MOBP: variants seen among roughly 807,000 people sequenced by gnomAD.
MOBP encodes the protein myelin-associated oligodendrocyte basic protein.
Under a neutral mutation model 15.0 loss-of-function variants are expected in MOBP, and 5 were observed. The observed-to-expected ratio is 0.33, with a 90% CI of 0.17 to 0.70. The LOEUF (loss-of-function observed/expected upper bound fraction) is 0.70. Among genes scored for constraint, MOBP ranks in the 30% least tolerant of loss-of-function variants. The pLI is 0.67. For missense variants in MOBP, 188 were observed against 257.8 expected, an observed-to-expected ratio of 0.73 and a Z score of 1.85; for synonymous variants, 88 against 99.0, an observed-to-expected ratio of 0.89 and a Z score of 0.66.
downstream of MOBP, chr3:39,529,385 A>T (rs1178820907): frequency 3.9e-5 from 6 of 152,230 alleles, no homozygotes; most frequent in Admixed American, 3.9e-4. Flanking sequence ...GCACTAAAAC[A>T]ACCAAATATG....
chr3:39,487,475 T>G (rs993256613), intron 2 of MOBP, among the ~76,000 whole-genome samples: 1 of 151,818 alleles, frequency 6.6e-6, no homozygotes, highest in African/African-American at 2.4e-5. Context: ...TGTTTGGATA[T>G]CTGGGTATGA....
At chr3:39,489,596 G>T (rs1362875279) in intron 2 of MOBP, among the ~76,000 whole-genome samples, 3 of 152,122 alleles carry the variant, frequency 2.0e-5, no homozygotes, top group Admixed American at 2.0e-4. Flanking sequence ...TGTTCAGGGG[G>T]TCCTTGTCAG....
chr3:39,471,609 C>G (rs546962211), intron 1 of MOBP, among the ~76,000 whole-genome samples: 62 of 152,250 alleles, frequency 4.1e-4, no homozygotes, highest in African/African-American at 1.4e-3. Context: ...CTGTCAACCC[C>G]AAGTCTGGAA....
At chr3:39,481,629 T>C (rs530057224) in intron 2 of MOBP, among the ~76,000 whole-genome samples, 50 of 152,318 alleles carry the variant, frequency 3.3e-4, no homozygotes, top group African/African-American at 1.2e-3. Context: ...ATTCTCTAGC[T>C]ACTTCTCTCC....
chr3:39,468,990 A>G lies in MOBP; in HGVS notation c.-89+1250A>G, dbSNP rs201386124. 4.0e-4 allele frequency among the ~76,000 whole-genome samples: 32 copies of G among 79,632 alleles called. 1 individual carries two copies. The highest frequency in any genetic ancestry group is 9.7e-4 in the East Asian group (3 of 3,082). The allele number at this position is 79,632 out of a possible 152,430, so 52.2% of individuals were successfully genotyped here. ...TGTGTGTATATATACATATATACAT[A>G]TGTGTGTGTATATATACATATATAC... On this transcript the variant is annotated intron_variant, in intron 1 of 3. Transcript: ENST00000684792.
intron 2 of MOBP, among the ~76,000 whole-genome samples, chr3:39,498,731 G>A (rs1397131807): frequency 6.6e-6 from 1 of 152,164 alleles, no homozygotes; most frequent in Non-Finnish European, 1.5e-5. Flanking sequence ...TTTCCTTCAG[G>A]ACCATGCATC....
rs148896431 is a variant in MOBP, at chr3:39,495,505, C to T, written c.-4-6561C>T. Among the ~76,000 whole-genome samples the T allele has an allele frequency of 5.4e-4, 81 of 151,238 alleles. 1 individual carries two copies. Among genetic ancestry groups the T allele is most frequent in the African/African-American group, 1.4e-3 (59 of 41,284 alleles). ...GGAAGAAAAGAAATTATAGGCCAGGCGTGGTGGCTCACACCTGTAATCCCA... is the reference window on the plus strand; with the variant it reads ...GGAAGAAAAGAAATTATAGGCCAGGTGTGGTGGCTCACACCTGTAATCCCA... On this transcript the variant is annotated intron_variant, in intron 2 of 3. Transcript: ENST00000684792.
chr3:39,495,955 A>G (rs1172944329), intron 2 of MOBP, among the ~76,000 whole-genome samples: 3 of 151,930 alleles, frequency 2.0e-5, no homozygotes. Context: ...AGAGAAGATT[A>G]TAATTACAGA....
At chr3:39,503,074 C>T (rs2042999175), downstream of MOBP, 1 of 503,766 alleles carries the variant, frequency 2.0e-6, no homozygotes, top group Non-Finnish European at 3.4e-6. Context: ...TTGGTGCATA[C>T]TTCAGGTGGC....
In MOBP at chr3:39,502,174, CAAG is replaced by C; in HGVS notation, c.109_111del (p.Lys37del). 2 of 1,614,218 alleles carry C rather than the reference CAAG, an allele frequency of 1.2e-6. No individual in the cohort carries two copies. Among genetic ancestry groups the C allele is most frequent in the African/African-American group, 1.3e-5 (1 of 75,062 alleles). On this transcript the variant is annotated inframe_deletion, in exon 3 of 4. Coordinates refer to ENST00000684792, the MANE Select transcript of MOBP (RefSeq NM_001393704.1). This position sits in a 1 kb window ranked among gnomAD's most constrained non-coding sequence, Gnocchi z 6.3. ...GCCCGCCGTTCACCTTCCTCAATTCCAAGAAGGAGATAGTGGATCGGAAATACA... is the reference window on the plus strand; with the variant it reads ...GCCCGCCGTTCACCTTCCTCAATTCCAAGGAGATAGTGGATCGGAAATACA...
intron 2 of MOBP, among the ~76,000 whole-genome samples, chr3:39,498,348 GTTTTTATT>G: frequency 6.6e-6 from 1 of 151,928 alleles, no homozygotes; most frequent in African/African-American, 2.4e-5. Flanking sequence ...TGTTGTTTTT[GTTTTTATT>G]TTTTTGTTTT....
rs941211338 is a variant in MOBP, at chr3:39,498,342, GTTTTTGTTTTTATT to G, written c.-4-3712_-4-3699del. 1.8e-4 allele frequency among the ~76,000 whole-genome samples: 27 copies of G among 152,146 alleles called. 1 individual carries two copies. Among genetic ancestry groups the G allele is most frequent in the Admixed American group, 4.6e-4 (7 of 15,268 alleles). ...AGGAGGGCAGTTTTTTGTTGTTGTT[GTTTTTGTTTTTATT>G]TTTTTGTTTTTGGAGACGGAGTCTT... On this transcript the variant is annotated intron_variant, in intron 2 of 3. Transcript: ENST00000684792.
chr3:39,505,960 C>A (rs989726726), downstream of MOBP, among the ~76,000 whole-genome samples: 1 of 152,146 alleles, frequency 6.6e-6, no homozygotes, highest in Non-Finnish European at 1.5e-5. Context: ...CCTGGCTCCA[C>A]CAGCCCCCAC....
In MOBP at chr3:39,497,093, G is replaced by A. The variant is rs779170792; in HGVS notation, c.-4-4973G>A. Among the ~76,000 whole-genome samples the A allele has an allele frequency of 7.9e-5, 12 of 152,274 alleles. No individual in the cohort carries two copies. The South Asian group carries it at 8.3e-4, about 11-fold the overall frequency. ...GCTGGGATTACAGGCATGAGCCACC[G>A]CACTGGGCATATTATTTTCATCCAT... is the stretch of plus-strand genomic sequence containing the variant. On this transcript the variant is annotated intron_variant, in intron 2 of 3. Transcript: ENST00000684792.
chr3:39,476,053 A>G (rs1768202), intron 1 of MOBP, among the ~76,000 whole-genome samples: 54,060 of 151,892 alleles, frequency 0.36, 13,357 homozygotes, highest in African/African-American at 0.71. Flanking sequence ...CTGTTTCTGG[A>G]GAGGCCTCAG....
intron 2 of MOBP, among the ~76,000 whole-genome samples, chr3:39,483,907 T>A (rs1043946630): frequency 6.6e-6 from 1 of 152,128 alleles, no homozygotes. Flanking sequence ...GAGTCCTACA[T>A]AACATCCCAG....
intron 2 of MOBP, among the ~76,000 whole-genome samples, chr3:39,488,012 A>C (rs1412981239): frequency 6.6e-6 from 1 of 152,072 alleles, no homozygotes; most frequent in African/African-American, 2.4e-5. Flanking sequence ...CTATTTATTC[A>C]TGCATTCTTT....
intron 2 of MOBP, among the ~76,000 whole-genome samples, chr3:39,490,344 G>T (rs2042777238): frequency 1.3e-5 from 2 of 152,082 alleles, no homozygotes; most frequent in South Asian, 4.1e-4. Flanking sequence ...AGATTTTATT[G>T]CTCTCAAGGG....
intron 2 of MOBP, among the ~76,000 whole-genome samples, chr3:39,494,972 G>A (rs2042856039): frequency 6.6e-6 from 1 of 152,072 alleles, no homozygotes; most frequent in Non-Finnish European, 1.5e-5. Context: ...CAGTCCTCCA[G>A]GATTCAGGCT....
Sources: allele counts gnomAD v4.1 joint callset (sites outside exome capture counted in the v4.1 genomes callset), GRCh38; gene constraint gnomAD v4.1.1; non-coding constraint Gnocchi (gnomAD v3.1); transcripts MANE v1.5; gene names NCBI Gene and HGNC (gene_info 2026-07-23, HGNC 2026-07-21).